Variants in FBN2 observed in about 807,000 individuals in gnomAD.
FBN2 encodes fibrillin 2, also known as fibrillin-2.
In FBN2, 105 loss-of-function variants were observed where a neutral mutation model predicts 355.6. That is an observed-to-expected ratio of 0.30 (90% CI 0.25 to 0.35). The LOEUF is 0.35. Ranked by LOEUF, FBN2 falls within the 10% of genes least tolerant of loss-of-function variation. FBN2 has a pLI of 1.00. For synonymous variants in FBN2, 1,350 were observed against 1,301.2 expected (o/e 1.04, Z -0.81); for missense variants, 3,280 against 3,758.7 (o/e 0.87, Z 3.33).
chr5:128,465,475 A>C (rs1754684837), intron 5 of FBN2, among the ~76,000 whole-genome samples: 1 of 152,190 alleles, frequency 6.6e-6, no homozygotes, highest in African/African-American at 2.4e-5. Flanking sequence ...AGTTTAGAAA[A>C]TTAAAACAAA....
chr5:128,357,680 T>A (rs1244573297), intron 19 of FBN2, among the ~76,000 whole-genome samples: 1 of 151,648 alleles, frequency 6.6e-6, no homozygotes, highest in African/African-American at 2.4e-5. Context: ...ATAAATTGGA[T>A]TTTTTTTTCC....
intron 7 of FBN2, among the ~76,000 whole-genome samples, chr5:128,412,652 A>G (rs1372445322): frequency 6.6e-6 from 1 of 152,252 alleles, no homozygotes; most frequent in East Asian, 1.9e-4. Flanking sequence ...TGCACAGTGT[A>G]CTAGAACAGC....
intron 5 of FBN2, among the ~76,000 whole-genome samples, chr5:128,466,302 C>T (rs991228936): frequency 2.6e-5 from 4 of 152,166 alleles, no homozygotes; most frequent in African/African-American, 9.6e-5. Flanking sequence ...AAATACCACT[C>T]AGGTTTCTTG....
intron 6 of FBN2, 111 bp from the exon 7 acceptor site, chr5:128,446,717 C>T (rs1205789006): frequency 8.5e-7 from 1 of 1,170,106 alleles, no homozygotes; most frequent in African/African-American, 1.6e-5. Context: ...CTCAGTTTTT[C>T]TCAAGAGAGT....
At chr5:128,405,294 G>C (rs564282259) in intron 8 of FBN2, among the ~76,000 whole-genome samples, 1 of 152,238 alleles carries the variant, frequency 6.6e-6, no homozygotes, top group East Asian at 1.9e-4. Context: ...TCGGGCAGAG[G>C]GGGTACTGCT....
chr5:128,339,190 G>A, intron 25 of FBN2, 129 bp from the exon 26 acceptor site: 1 of 901,310 alleles, frequency 1.1e-6, no homozygotes, highest in East Asian at 2.6e-5. Context: ...GTTTTCAGTA[G>A]ACCCAGATAG....
intron 15 of FBN2, among the ~76,000 whole-genome samples, chr5:128,373,438 G>A (rs1014736340): frequency 9.9e-5 from 15 of 152,162 alleles, no homozygotes; most frequent in African/African-American, 3.6e-4. Context: ...ATAAATTTGA[G>A]TGAACAGATT....
chr5:128,476,602 T>C (rs1329376580), intron 5 of FBN2, among the ~76,000 whole-genome samples: 2 of 151,218 alleles, frequency 1.3e-5, no homozygotes, highest in African/African-American at 2.4e-5. Context: ...AACTAAAAAA[T>C]ATAGTGAAAT....
Position 128,272,068 on chromosome 5 carries a change from T to G in FBN2, c.7891A>C (p.Ile2631Leu). The change falls in exon 62 of 65, where the codon ATC becomes CTC. Residue 2631 changes from isoleucine to leucine, a missense_variant. Around this residue, in one of 6 missense-constraint regions of FBN2, gnomAD observed 2,284 missense variants for 2,749.5 expected, o/e 0.83. Coordinates refer to ENST00000262464, the MANE Select transcript of FBN2 (RefSeq NM_001999.4). ...NHRCQHGCQN[I>L]LGGYRCGCPQ... ...CAGCCACATCTGTAGCCACCCAGGA[T>G]GTTCTGGCAGCCGTGTTGGCACCTG... 6.2e-7 allele frequency: 1 copy of G among 1,614,126 alleles called. No individual in the cohort carries two copies. Among genetic ancestry groups the G allele is most frequent in the South Asian group, 1.1e-5 (1 of 91,086 alleles).
chr5:128,311,665 G>A (rs1208166789), intron 38 of FBN2, among the ~76,000 whole-genome samples: 1 of 152,192 alleles, frequency 6.6e-6, no homozygotes, highest in Non-Finnish European at 1.5e-5. Context: ...AGAGGACAAT[G>A]GGAAAGAGTT....
At position 128,441,533 on chromosome 5, in the gene FBN2, A is replaced by C. The variant is rs888143277; in HGVS notation, c.952+4948T>G. Among the ~76,000 whole-genome samples, 11 of 152,212 alleles carry C rather than the reference A, an allele frequency of 7.2e-5. 1 individual carries two copies. The highest frequency in any genetic ancestry group is 2.4e-4 in the African/African-American group (10 of 41,446). ...TGAGTTAATAATAGTAACTAACCTC[A>C]CAGCTCTGTGGTGATGATTTAATAA... On this transcript the variant is annotated intron_variant, in intron 7 of 64. Coordinates refer to ENST00000262464, the MANE Select transcript of FBN2 (RefSeq NM_001999.4).
At chr5:128,484,024 C>T (rs572370076) in intron 5 of FBN2, among the ~76,000 whole-genome samples, 4 of 152,182 alleles carry the variant, frequency 2.6e-5, no homozygotes, top group African/African-American at 9.6e-5. Context: ...AAGCGAATTA[C>T]ATATGGAATG....
At chr5:128,298,896 G>C (rs1749620739) in intron 48 of FBN2, among the ~76,000 whole-genome samples, 1 of 152,206 alleles carries the variant, frequency 6.6e-6, no homozygotes, top group South Asian at 2.1e-4. Context: ...GCGTTCCTTT[G>C]GAGGAGGAGA....
intron 9 of FBN2, 22 bp from the exon 10 acceptor site, chr5:128,393,390 A>G: frequency 6.2e-7 from 1 of 1,602,666 alleles, no homozygotes; most frequent in Admixed American, 1.7e-5. Context: ...GAAAGTTGGC[A>G]TTAAGCACAG....
chr5:128,344,239 A>C, intron 25 of FBN2, 146 bp downstream of exon 25: 1 of 819,898 alleles, frequency 1.2e-6, no homozygotes. Context: ...CGACTAAGTG[A>C]GACCTTTTCT....
chr5:128,315,726 T>C (rs1750183026), intron 36 of FBN2, among the ~76,000 whole-genome samples: 2 of 152,222 alleles, frequency 1.3e-5, no homozygotes, highest in South Asian at 2.1e-4. Flanking sequence ...AGAAACGTCA[T>C]GAAAATATGA....
intron 32 of FBN2, among the ~76,000 whole-genome samples, chr5:128,332,270 T>G (rs953828490): frequency 1.3e-5 from 2 of 152,166 alleles, no homozygotes; most frequent in Admixed American, 1.3e-4. Flanking sequence ...TCTTACTAGT[T>G]GGAAAAATGC....
At chr5:128,297,756 A>C (rs981514022) in intron 48 of FBN2, among the ~76,000 whole-genome samples, 2 of 152,114 alleles carry the variant, frequency 1.3e-5, no homozygotes, top group Middle Eastern at 3.2e-3. Flanking sequence ...GGTTTCCTGA[A>C]TACAGCACAC....
chr5:128,364,744 G>A lies in FBN2; in HGVS notation c.2303-19C>T, dbSNP rs1751723789. The A allele has an allele frequency of 1.2e-6, 2 of 1,601,584 alleles. No individual in the cohort carries two copies. Among genetic ancestry groups the A allele is most frequent in the Middle Eastern group, 1.7e-4 (1 of 6,036 alleles). ...TTGATATCTGCATTAAATATTGAAA[G>A]TTTAGTGCTATCAACAAACATGTTA... On this transcript the variant is annotated intron_variant, in intron 17 of 64. Coordinates refer to ENST00000262464, the MANE Select transcript of FBN2 (RefSeq NM_001999.4).
Sources: allele counts gnomAD v4.1 joint callset (sites outside exome capture counted in the v4.1 genomes callset), GRCh38; gene constraint gnomAD v4.1.1; regional missense constraint gnomAD v4.1.1; transcripts MANE v1.5; gene names NCBI Gene and HGNC (gene_info 2026-07-23, HGNC 2026-07-21).